The following FREM1 variants were observed in gnomAD, a reference collection of about 807,000 sequenced individuals.
The protein encoded by FREM1 is FRAS1-related extracellular matrix protein 1.
FREM1 carries 220 observed loss-of-function variants against 210.1 expected under a neutral mutation model. The observed-to-expected ratio is 1.05, with a 90% CI of 0.94 to 1.17. The LOEUF (loss-of-function observed/expected upper bound fraction) is 1.17. Among genes scored for constraint, FREM1 ranks in the 50% most tolerant of loss-of-function variants. The pLI is 0.00. For synonymous variants in FREM1, 1,189 were observed against 980.2 expected (o/e 1.21, Z -3.98); for missense variants, 3,454 against 2,675.5 (o/e 1.29, Z -6.42).
At chr9:14,900,608 T>C (rs1838616780) in intron 1 of FREM1, among the ~76,000 whole-genome samples, 1 of 151,952 alleles carries the variant, frequency 6.6e-6, no homozygotes, top group South Asian at 2.1e-4. Flanking sequence ...GAGAGGAAGA[T>C]AGGATGGTCC....
intron 24 of FREM1, among the ~76,000 whole-genome samples, chr9:14,778,989 A>C (rs1428033376): frequency 6.6e-6 from 1 of 152,206 alleles, no homozygotes; most frequent in Non-Finnish European, 1.5e-5. Context: ...ACTGATATAC[A>C]TTTTTAGGTA....
At chr9:14,837,107 G>A (rs2131101354) in intron 10 of FREM1, among the ~76,000 whole-genome samples, 1 of 152,242 alleles carries the variant, frequency 6.6e-6, no homozygotes, top group Non-Finnish European at 1.5e-5. Flanking sequence ...TATGCTCCTG[G>A]CAACATGGCC....
At chr9:14,824,178 G>T in intron 11 of FREM1, 63 bp from the exon 12 acceptor site, 1 of 1,012,302 alleles carries the variant, frequency 9.9e-7, no homozygotes, top group Non-Finnish European at 1.5e-6. Context: ...AAATCGAATA[G>T]CCCACAATCA....
chr9:14,765,700 T>A (rs1228478663), intron 27 of FREM1, among the ~76,000 whole-genome samples: 1 of 152,200 alleles, frequency 6.6e-6, no homozygotes, highest in Non-Finnish European at 1.5e-5. Flanking sequence ...TTTAGTCTTC[T>A]GTCCCTTCTC....
intron 36 of FREM1, among the ~76,000 whole-genome samples, chr9:14,738,874 G>A (rs760046166): frequency 6.6e-6 from 1 of 151,694 alleles, no homozygotes; most frequent in Non-Finnish European, 1.5e-5. Context: ...GCCAGGTGTG[G>A]TAGTGGGCAC....
At position 14,848,760 on chromosome 9, in the gene FREM1, A is replaced by G. The variant is rs772311418; in HGVS notation, c.1166T>C (p.Val389Ala). ...ERRHDEVELE[V>A]YDFFFERSAP... Reference sequence around the variant, plus strand: ...ACTCCTTTCAAAGAAGAAGTCGTATACCTCCAATTCTACCTGTAAACAAAC... The same window carrying G: ...ACTCCTTTCAAAGAAGAAGTCGTATGCCTCCAATTCTACCTGTAAACAAAC... The change falls in exon 7 of 37, where the codon GTA becomes GCA. Residue 389 changes from valine to alanine, a missense_variant. Physicochemically the swap from Val to Ala is moderately conservative, Grantham distance 64. Coordinates refer to ENST00000380880, the MANE Select transcript of FREM1 (RefSeq NM_001379081.2). 8.1e-6 allele frequency: 13 copies of G among 1,607,680 alleles called. No individual in the cohort carries two copies. The highest frequency in any genetic ancestry group is 7.7e-5 in the South Asian group (7 of 90,916).
At chr9:14,898,316 C>G (rs1216903171) in intron 1 of FREM1, among the ~76,000 whole-genome samples, 1 of 152,226 alleles carries the variant, frequency 6.6e-6, no homozygotes, top group Admixed American at 6.5e-5. Context: ...ACACATAGAG[C>G]AAGGCTCAGC....
chr9:14,891,781 G>C (rs1025931325), intron 1 of FREM1, among the ~76,000 whole-genome samples: 1 of 152,192 alleles, frequency 6.6e-6, no homozygotes, highest in Non-Finnish European at 1.5e-5. Context: ...ATGTAGCATA[G>C]TCAAAGAATC....
chr9:14,876,451 T>C (rs2381974), intron 1 of FREM1, among the ~76,000 whole-genome samples: 82,049 of 151,718 alleles, frequency 0.54, 24,801 homozygotes, highest in African/African-American at 0.82. Context: ...TAGCAATCAG[T>C]GAGACTCCGT....
chr9:14,880,555 G>C (rs540952335), intron 1 of FREM1, among the ~76,000 whole-genome samples: 2 of 143,944 alleles, frequency 1.4e-5, no homozygotes, highest in Non-Finnish European at 3.0e-5. Flanking sequence ...AGTGGGCCGA[G>C]ATCGTGCCAC....
At chr9:14,820,755 C>G (rs1488367168) in intron 13 of FREM1, among the ~76,000 whole-genome samples, 2 of 152,174 alleles carry the variant, frequency 1.3e-5, no homozygotes, top group Non-Finnish European at 2.9e-5. Flanking sequence ...CTACAACTAC[C>G]CCCACCCTGA....
chr9:14,737,213 T>C lies in FREM1; in HGVS notation c.*183A>G. On this transcript the variant is annotated 3_prime_UTR_variant, in exon 37 of 37. Transcript: ENST00000380880. ...GAGATACAAAAATTGTATCTTATCT[T>C]GTAAAAAATATTTATTTATCAATCT... 1 of 528,992 alleles carries C rather than the reference T, an allele frequency of 1.9e-6. No homozygotes were observed. Among genetic ancestry groups the C allele is most frequent in the Non-Finnish European group, 3.3e-6 (1 of 302,010 alleles). The allele number at this position is 528,992 out of a possible 1,614,324, so 32.8% of individuals were successfully genotyped here. A position where few individuals can be genotyped will look rare whatever the true frequency, so the allele number is the denominator to read the frequency against.
chr9:14,798,035 C>T (rs12351616), intron 20 of FREM1, among the ~76,000 whole-genome samples: 1 of 151,786 alleles, frequency 6.6e-6, no homozygotes, highest in Non-Finnish European at 1.5e-5. Flanking sequence ...TAAATATTAA[C>T]AATGTAACTG....
intron 7 of FREM1, among the ~76,000 whole-genome samples, 175 bp downstream of exon 7, chr9:14,848,490 G>A (rs1827084087): frequency 6.6e-6 from 1 of 152,154 alleles, no homozygotes; most frequent in African/African-American, 2.4e-5. Flanking sequence ...TTCTCACGCT[G>A]CCAGGAGGAA....
intron 13 of FREM1, among the ~76,000 whole-genome samples, chr9:14,822,858 C>A (rs1419935000): frequency 3.3e-5 from 5 of 152,018 alleles, no homozygotes; most frequent in African/African-American, 1.2e-4. Context: ...TAATCCCCTT[C>A]CCTTGATCAA....
chr9:14,859,587 T>G, intron 3 of FREM1, 103 bp from the exon 4 acceptor site: 1 of 908,298 alleles, frequency 1.1e-6, no homozygotes. Context: ...ACCAAATTTG[T>G]GCCACAGATT....
chr9:14,756,447 C>A lies in FREM1; in HGVS notation c.5335-1G>T. On this transcript the variant is annotated splice_acceptor_variant, in intron 28 of 36. Transcript: ENST00000380880. LOFTEE classifies it high-confidence loss of function. The stretch of plus-strand genomic sequence containing the variant: ...CAACTGCAGCTGACACTTGGTTGAC[C>A]TTAGGAGGGAAAAAAAAATCTTTTT... 1 of 1,586,270 alleles carries A rather than the reference C, an allele frequency of 6.3e-7. No homozygotes were observed. The highest frequency in any genetic ancestry group is 2.3e-5 in the East Asian group (1 of 43,806).
chr9:14,882,380 C>T (rs1205376790), intron 1 of FREM1, among the ~76,000 whole-genome samples: 1 of 151,978 alleles, frequency 6.6e-6, no homozygotes, highest in Non-Finnish European at 1.5e-5. Context: ...GCTCCCTGCA[C>T]CACAATGCTG....
rs1478527309 is a variant in FREM1, at chr9:14,737,470, T to C, written c.6466A>G (p.Arg2156Gly). The change falls in exon 37 of 37, where the codon AGA (arginine) becomes GGA (glycine). Residue 2156 changes from arginine (R) to glycine (G), a missense_variant. By Grantham distance (125) the Arg-to-Gly change is moderately radical. Coordinates refer to ENST00000380880, the MANE Select transcript of FREM1 (RefSeq NM_001379081.2). ...KLGKSCVLVQ[R>G]QGKWQTKDCR... ...TCTTTTGTTTGCCATTTCCCTTGTC[T>C]TTGAACCAAAACACAGCTCTTTCCA... 2.5e-5 allele frequency: 40 copies of C among 1,613,806 alleles called. No homozygotes were observed. The highest frequency in any genetic ancestry group is 3.2e-5 in the Non-Finnish European group (38 of 1,179,856).
Sources: allele counts gnomAD v4.1 joint callset (sites outside exome capture counted in the v4.1 genomes callset), GRCh38; gene constraint gnomAD v4.1.1; transcripts MANE v1.5; gene names NCBI Gene and HGNC (gene_info 2026-07-23, HGNC 2026-07-21).